PEBP4: variants seen among roughly 807,000 people sequenced by gnomAD.
PEBP4 encodes phosphatidylethanolamine binding protein 4.
In PEBP4, 22 loss-of-function variants were observed where a neutral mutation model predicts 23.9. That is an observed-to-expected ratio of 0.92 (90% confidence interval 0.66 to 1.31). The LOEUF (loss-of-function observed/expected upper bound fraction) is 1.31. Among genes scored for constraint, PEBP4 ranks in the 40% most tolerant of loss-of-function variants. The pLI is 0.00. For missense variants in PEBP4, 324 were observed against 281.7 expected (o/e 1.15, Z -1.07); for synonymous variants, 112 against 99.3 (o/e 1.13, Z -0.76).
At chr8:22,844,249 T>C (rs1156379184) in intron 3 of PEBP4, among the ~76,000 whole-genome samples, 3 of 152,194 alleles carry the variant, frequency 2.0e-5, no homozygotes, top group Non-Finnish European at 1.5e-5. Flanking sequence ...TATTTATTTA[T>C]TTATTTTGAG....
At chr8:22,938,655 A>C (rs1361666542) in intron 1 of PEBP4, among the ~76,000 whole-genome samples, 1 of 152,084 alleles carries the variant, frequency 6.6e-6, no homozygotes, top group Non-Finnish European at 1.5e-5. Flanking sequence ...AAAGGGAGAA[A>C]ATCAGAGAGG....
chr8:22,909,996 A>T (rs112108353), intron 3 of PEBP4, among the ~76,000 whole-genome samples: 5,291 of 152,312 alleles, frequency 0.035, 320 homozygotes, highest in African/African-American at 0.12. Flanking sequence ...ATGTAATACA[A>T]CTGTACTTTA....
intron 3 of PEBP4, among the ~76,000 whole-genome samples, chr8:22,883,232 A>G (rs891959274): frequency 1.3e-5 from 2 of 152,246 alleles, no homozygotes; most frequent in Non-Finnish European, 2.9e-5. Flanking sequence ...ATTATCCTTC[A>G]TTATATCCTT....
At chr8:22,811,065 C>T (rs1052753563) in intron 4 of PEBP4, among the ~76,000 whole-genome samples, 2 of 152,008 alleles carry the variant, frequency 1.3e-5, no homozygotes, top group African/African-American at 4.8e-5. Context: ...TATTCATATC[C>T]GCACTCTCTC....
At chr8:22,856,008 T>G (rs554471448) in intron 3 of PEBP4, among the ~76,000 whole-genome samples, 1 of 129,604 alleles carries the variant, frequency 7.7e-6, no homozygotes, top group African/African-American at 3.0e-5. Flanking sequence ...CATATTTGCA[T>G]CACTGCACTC....
At chr8:22,873,405 G>A (rs550553445) in intron 3 of PEBP4, among the ~76,000 whole-genome samples, 9 of 152,104 alleles carry the variant, frequency 5.9e-5, no homozygotes, top group Non-Finnish European at 1.3e-4. Context: ...AAGGCGAGGA[G>A]GATTGTTTGA....
At chr8:22,856,011 C>T (rs1308817503) in intron 3 of PEBP4, among the ~76,000 whole-genome samples, 1 of 137,564 alleles carries the variant, frequency 7.3e-6, no homozygotes, top group South Asian at 2.3e-4. Flanking sequence ...ATTTGCATCA[C>T]TGCACTCCAG....
intron 4 of PEBP4, among the ~76,000 whole-genome samples, chr8:22,802,187 C>A (rs1181070348): frequency 1.3e-5 from 2 of 152,196 alleles, no homozygotes; most frequent in African/African-American, 4.8e-5. Context: ...GTGTTGCTCT[C>A]TCCCGACTCT....
At chr8:22,717,401 A>T (rs973877746) in intron 6 of PEBP4, among the ~76,000 whole-genome samples, 1 of 152,168 alleles carries the variant, frequency 6.6e-6, no homozygotes, top group Non-Finnish European at 1.5e-5. Flanking sequence ...TGCTGTAGCC[A>T]AGGGACGTTT....
intron 4 of PEBP4, among the ~76,000 whole-genome samples, chr8:22,750,322 A>G (rs979556733): frequency 2.6e-5 from 4 of 151,622 alleles, no homozygotes; most frequent in East Asian, 3.9e-4. Flanking sequence ...GGCTGGTCTC[A>G]AACCCCTGAC....
intron 3 of PEBP4, among the ~76,000 whole-genome samples, chr8:22,835,940 TCA>T (rs1351794939): frequency 1.3e-5 from 2 of 152,228 alleles, no homozygotes; most frequent in Non-Finnish European, 2.9e-5. Flanking sequence ...CTCAAGTGGC[TCA>T]CAGTTACTGA....
At chr8:22,896,046 T>A (rs1165464653) in intron 3 of PEBP4, 1 of 152,250 alleles carries the variant, frequency 6.6e-6, no homozygotes, top group Non-Finnish European at 1.5e-5. Context: ...TGAAAGTTGC[T>A]GGTATTGTGG....
intron 4 of PEBP4, among the ~76,000 whole-genome samples, chr8:22,795,179 T>A (rs1431069385): frequency 0.024 from 2,043 of 84,142 alleles, 81 homozygotes; most frequent in African/African-American, 0.055. Context: ...TTTTTTTTTT[T>A]TTTTTTTTTT....
At chr8:22,831,248 A>T (rs1301748065) in intron 3 of PEBP4, among the ~76,000 whole-genome samples, 1 of 152,124 alleles carries the variant, frequency 6.6e-6, no homozygotes, top group Non-Finnish European at 1.5e-5. Context: ...TCATCCTTGC[A>T]TTTCTTTCCC....
At chr8:22,790,590 C>G (rs557940165) in intron 4 of PEBP4, among the ~76,000 whole-genome samples, 3 of 151,984 alleles carry the variant, frequency 2.0e-5, no homozygotes, top group Non-Finnish European at 2.9e-5. Flanking sequence ...GATGGGATCA[C>G]GTGGGGTGGA....
intron 3 of PEBP4, among the ~76,000 whole-genome samples, chr8:22,899,926 G>A (rs553798262): frequency 2.1e-4 from 32 of 152,124 alleles, no homozygotes; most frequent in Non-Finnish European, 4.1e-4. Flanking sequence ...CTCACCCGCA[G>A]TCAAGGTGAG....
intron 4 of PEBP4, among the ~76,000 whole-genome samples, chr8:22,758,785 C>T (rs755322778): frequency 3.9e-5 from 6 of 152,202 alleles, no homozygotes; most frequent in African/African-American, 1.4e-4. Flanking sequence ...GGGTGGCCCA[C>T]CCTGTCCGCA....
chr8:22,859,826 A>C (rs114321412), intron 3 of PEBP4, among the ~76,000 whole-genome samples: 2 of 151,882 alleles, frequency 1.3e-5, no homozygotes, highest in East Asian at 3.9e-4. Flanking sequence ...CTTGCCTTAC[A>C]TCTTTGTTTT....
intron 4 of PEBP4, among the ~76,000 whole-genome samples, chr8:22,797,152 G>T (rs1806277258): frequency 6.6e-6 from 1 of 151,226 alleles, no homozygotes; most frequent in Non-Finnish European, 1.5e-5. Context: ...TACTTGGAAG[G>T]CTGAGGCAGA....
Sources: allele counts gnomAD v4.1 joint callset (sites outside exome capture counted in the v4.1 genomes callset), GRCh38; gene constraint gnomAD v4.1.1; transcripts MANE v1.5; gene names NCBI Gene and HGNC (gene_info 2026-07-23, HGNC 2026-07-21).